TMEM132D: variants seen among roughly 807,000 people sequenced by gnomAD.
TMEM132D encodes the protein transmembrane protein 132D.
A neutral mutation model predicts 62.3 loss-of-function variants in TMEM132D; 21 were observed. The observed-to-expected ratio is 0.34, with a 90% CI of 0.24 to 0.49. The LOEUF (loss-of-function observed/expected upper bound fraction) is 0.49, where lower values mean the gene tolerates loss of function less well. Among genes scored for constraint, TMEM132D ranks in the 20% least tolerant of loss-of-function variants. TMEM132D has a pLI of 0.99. For synonymous variants in TMEM132D, 621 were observed against 575.6 expected (o/e 1.08, Z -1.13); for missense variants, 1,346 against 1,402.8 (o/e 0.96, Z 0.65).
rs563518170 is a variant in TMEM132D at position 129,116,565 on chromosome 12, A to G, written c.1444-31863T>C. Reference sequence around the variant, plus strand: ...ACTCAACAATAAGATAACCCAATTAAACAATAGGCAAAGATTTGAACAGAC... The same window carrying G: ...ACTCAACAATAAGATAACCCAATTAGACAATAGGCAAAGATTTGAACAGAC... On this transcript the variant is annotated intron_variant, in intron 5 of 8. Transcript: ENST00000422113. 3.9e-5 allele frequency among the ~76,000 whole-genome samples: 6 copies of G among 152,336 alleles called. No individual in the cohort carries two copies. In the East Asian group the frequency reaches 1.2e-3, roughly 29 times the overall value.
intron 1 of TMEM132D, among the ~76,000 whole-genome samples, chr12:129,793,859 C>T (rs1223222885): frequency 6.6e-6 from 1 of 152,174 alleles, no homozygotes; most frequent in Admixed American, 6.5e-5. Context: ...TCTAAAAATG[C>T]CACAGGCCTG....
intron 2 of TMEM132D, among the ~76,000 whole-genome samples, chr12:129,569,312 GAAGGTA>G (rs532979269): frequency 6.6e-6 from 1 of 152,294 alleles, no homozygotes; most frequent in African/African-American, 2.4e-5. Flanking sequence ...GAATCAAATT[GAAGGTA>G]AACTTGGATA....
chr12:129,684,739 C>T (rs1880865728), intron 2 of TMEM132D, among the ~76,000 whole-genome samples: 1 of 151,950 alleles, frequency 6.6e-6, no homozygotes, highest in African/African-American at 2.4e-5. Context: ...CTTCCTAGAG[C>T]TTTATTGAAT....
At chr12:129,573,370 T>C (rs1011588339) in intron 2 of TMEM132D, among the ~76,000 whole-genome samples, 2 of 152,272 alleles carry the variant, frequency 1.3e-5, no homozygotes, top group Middle Eastern at 3.4e-3. Context: ...GATGCATCCA[T>C]TGCCCAGACA....
chr12:129,903,123 A>G lies in TMEM132D; in HGVS notation c.79+138T>C, dbSNP rs1350655602. ...CACGAGCGCACGTTCACACGCGCGC[A>G]CACACACATGCACACAAGCGCGCAC... On this transcript the variant is annotated intron_variant, in intron 1 of 8. Coordinates refer to ENST00000422113, the MANE Select transcript of TMEM132D (RefSeq NM_133448.3). This position sits in a 1 kb window ranked among gnomAD's most constrained non-coding sequence, Gnocchi z 6.2. 1.3e-5 allele frequency: 12 copies of G among 926,314 alleles called. No homozygotes were observed. The highest frequency in any genetic ancestry group is 5.4e-5 in the East Asian group (2 of 37,270). 57.4% of individuals were successfully genotyped at this position (926,314 alleles called of 1,614,324 possible).
intron 1 of TMEM132D, among the ~76,000 whole-genome samples, chr12:129,728,207 A>G (rs1439679069): frequency 6.6e-6 from 1 of 152,250 alleles, no homozygotes; most frequent in Non-Finnish European, 1.5e-5. Flanking sequence ...AGAATGCAAT[A>G]GGATAATAAA....
At chr12:129,802,765 C>T (rs1471392506) in intron 1 of TMEM132D, among the ~76,000 whole-genome samples, 2 of 151,286 alleles carry the variant, frequency 1.3e-5, no homozygotes, top group Non-Finnish European at 2.9e-5. Context: ...AGAGTCAAGA[C>T]CCATCAGTGT....
chr12:129,410,949 T>A (rs923773854), intron 3 of TMEM132D, among the ~76,000 whole-genome samples: 2 of 151,672 alleles, frequency 1.3e-5, no homozygotes, highest in Non-Finnish European at 2.9e-5. Flanking sequence ...GTTTCTTATA[T>A]TTAGGTTTTC....
chr12:129,871,347 G>A (rs1874235432), intron 1 of TMEM132D, among the ~76,000 whole-genome samples: 1 of 152,056 alleles, frequency 6.6e-6, no homozygotes, highest in Admixed American at 6.6e-5. Context: ...CTGCCCAAGA[G>A]TGAAATCAAC....
At chr12:129,259,401 C>A (rs908534849) in intron 4 of TMEM132D, among the ~76,000 whole-genome samples, 2 of 151,892 alleles carry the variant, frequency 1.3e-5, no homozygotes, top group Admixed American at 6.6e-5. Context: ...CTGGTTACTG[C>A]AAAAGCCCTA....
At chr12:129,329,875 T>A (rs7972717) in intron 4 of TMEM132D, among the ~76,000 whole-genome samples, 1 of 151,962 alleles carries the variant, frequency 6.6e-6, no homozygotes, top group Non-Finnish European at 1.5e-5. Flanking sequence ...GGGGAGAGTA[T>A]GGTTGGTGAA....
chr12:129,649,827 C>T (rs539569889), intron 2 of TMEM132D, among the ~76,000 whole-genome samples: 11 of 149,444 alleles, frequency 7.4e-5, no homozygotes, highest in South Asian at 2.1e-4. Context: ...TGTATATGTG[C>T]GTATGTGCAT....
chr12:129,382,244 C>T (rs77756676), intron 3 of TMEM132D, among the ~76,000 whole-genome samples: 1 of 152,174 alleles, frequency 6.6e-6, no homozygotes, highest in Non-Finnish European at 1.5e-5. Context: ...ACCTTTCAAG[C>T]TGCTCCCATT....
chr12:129,729,348 A>G (rs977782956), intron 1 of TMEM132D, among the ~76,000 whole-genome samples: 2 of 152,182 alleles, frequency 1.3e-5, no homozygotes, highest in Non-Finnish European at 2.9e-5. Context: ...TTTTGACCAG[A>G]TAATTATTTG....
intron 2 of TMEM132D, among the ~76,000 whole-genome samples, chr12:129,622,954 G>C (rs1879113512): frequency 1.3e-5 from 2 of 152,182 alleles, no homozygotes; most frequent in African/African-American, 4.8e-5. Flanking sequence ...ATTGGGGCTG[G>C]AGGTGGCATC....
At chr12:129,280,807 A>G (rs1881122936) in intron 4 of TMEM132D, among the ~76,000 whole-genome samples, 1 of 151,900 alleles carries the variant, frequency 6.6e-6, no homozygotes, top group Admixed American at 6.6e-5. Context: ...TCTATCTTCT[A>G]TTATCTGTCA....
chr12:129,786,642 G>A (rs947111228), intron 1 of TMEM132D, among the ~76,000 whole-genome samples: 16 of 152,330 alleles, frequency 1.1e-4, no homozygotes, highest in South Asian at 4.1e-4. Flanking sequence ...TGTAACCCCA[G>A]CACTCTGGGA....
At chr12:129,128,236 A>G (rs1876272310) in intron 5 of TMEM132D, among the ~76,000 whole-genome samples, 1 of 152,088 alleles carries the variant, frequency 6.6e-6, no homozygotes, top group Non-Finnish European at 1.5e-5. Context: ...TTTTTTCCCA[A>G]ATATTTTTAT....
At chr12:129,200,327 G>T (rs991406574) in intron 5 of TMEM132D, among the ~76,000 whole-genome samples, 3 of 152,206 alleles carry the variant, frequency 2.0e-5, no homozygotes, top group African/African-American at 7.2e-5. Flanking sequence ...GAGCCTCAGA[G>T]ATACTCCTTC....
Sources: gnomAD v4.1 joint callset for allele counts (sites outside exome capture counted in the v4.1 genomes callset) on GRCh38, gnomAD v4.1.1 for gene constraint, Gnocchi (gnomAD v3.1) non-coding constraint, MANE v1.5 for transcripts, NCBI Gene and HGNC (gene_info 2026-07-23, HGNC 2026-07-21) for gene names.